The following ATG9B variants were observed in gnomAD, a reference collection of about 807,000 sequenced individuals.
ATG9B encodes the protein autophagy related 9B.
ATG9B carries 92 observed loss-of-function variants against 92.9 expected under a neutral mutation model. That is an observed-to-expected ratio of 0.99 (90% CI 0.84 to 1.18). ATG9B has a LOEUF of 1.18. ATG9B is among the 50% of genes most tolerant of loss of function. The pLI, the probability that ATG9B is intolerant of heterozygous loss-of-function variation, is 0.00. For missense variants in ATG9B, 1,344 were observed against 1,235.0 expected, an observed-to-expected ratio of 1.09 and a Z score of -1.32; for synonymous variants, 599 against 551.4, an observed-to-expected ratio of 1.09 and a Z score of -1.21.
In ATG9B at chr7:151,021,259, G is replaced by A. The variant is rs760200978; in HGVS notation, c.892C>T (p.Arg298Cys). 30 of 1,613,380 alleles carry A rather than the reference G, an allele frequency of 1.9e-5. No individual in the cohort carries two copies. Among genetic ancestry groups the A allele is most frequent in the South Asian group, 4.4e-5 (4 of 91,080 alleles). The part of the protein sequence containing the change: ...AAGFWLVQLL[R>C]SVCNLFSYWD... ...TAGCTGAAGAGGTTGCAGACTGAGCGAAGCAGTTGGACCAGCCAGAAGCCG... is the reference window on the plus strand; with the variant it reads ...TAGCTGAAGAGGTTGCAGACTGAGCAAAGCAGTTGGACCAGCCAGAAGCCG... The change falls in exon 5 of 14, where the codon CGC (arginine) becomes TGC (cysteine). Residue 298 changes from arginine to cysteine, a missense_variant. Arg to Cys is a radical substitution (Grantham distance 180). Coordinates refer to ENST00000639579, the MANE Select transcript of ATG9B (RefSeq NM_001317056.2).
At chr7:151,021,593 C>T (rs532418859) in intron 4 of ATG9B, among the ~76,000 whole-genome samples, 1 of 151,848 alleles carries the variant, frequency 6.6e-6, no homozygotes, top group Admixed American at 6.5e-5. Flanking sequence ...CCAGAGGCTA[C>T]AAGACACGTG....
In ATG9B at chr7:151,023,135, T is replaced by C. The variant is rs953629446; in HGVS notation, c.731A>G (p.Asn244Ser). The C allele has an allele frequency of 9.3e-6, 15 of 1,614,060 alleles. No individual in the cohort carries two copies. Among genetic ancestry groups the C allele is most frequent in the East Asian group, 8.9e-5 (4 of 44,888 alleles). Residue 244 changes from asparagine to serine, a missense_variant, in exon 4 of 14, where the codon AAC becomes AGC. Asn to Ser is a conservative substitution (Grantham distance 46). Coordinates refer to ENST00000639579, the MANE Select transcript of ATG9B (RefSeq NM_001317056.2). ...RCVDYNVLFA[N>S]QPSNHTRPGP... is the part of the protein sequence containing the mutation. Reference sequence around the variant, plus strand: ...AGGTCTGGTATGGTTACTTGGTTGGTTGGCAAAGAGAACATTGTAATCCAC... The same window carrying C: ...AGGTCTGGTATGGTTACTTGGTTGGCTGGCAAAGAGAACATTGTAATCCAC...
In ATG9B at chr7:151,018,565, G is replaced by GC; in HGVS notation, c.1718+54dup. ...AAGGATTCGGGGGGAACCTCACATG[G>GC]CCCCAGATCAGAGAAACCAACACAC... On this transcript the variant is annotated intron_variant, in intron 6 of 13. Coordinates refer to ENST00000639579, the MANE Select transcript of ATG9B (RefSeq NM_001317056.2). This position sits in a 1 kb window ranked among gnomAD's most constrained non-coding sequence, Gnocchi z 4.7. 1 of 1,556,714 alleles carries GC rather than the reference G, an allele frequency of 6.4e-7. No individual in the cohort carries two copies. The highest frequency in any genetic ancestry group is 8.6e-7 in the Non-Finnish European group (1 of 1,156,406).
Position 151,019,380 on chromosome 7 carries a change from A to G in ATG9B, c.964-6T>C. ...GGAACCGAGCTCAGCTCCTCCTGAA[A>G]GGGGCACTGATGAGAGCCAGCGACC... On this transcript the variant is annotated splice_polypyrimidine_tract_variant and splice_region_variant and intron_variant, in intron 5 of 13. Transcript: ENST00000639579. 6.6e-7 allele frequency: 1 copy of G among 1,511,972 alleles called. No homozygotes were observed. Among genetic ancestry groups the G allele is most frequent in the Non-Finnish European group, 8.8e-7 (1 of 1,137,506 alleles). 93.7% of individuals were successfully genotyped at this position (1,511,972 alleles called of 1,614,324 possible).
In ATG9B at chr7:151,023,150, T is replaced by C. The variant is rs372928665; in HGVS notation, c.716A>G (p.Asn239Ser). 4.2e-5 allele frequency: 67 copies of C among 1,613,992 alleles called. No individual in the cohort carries two copies. The highest frequency in any genetic ancestry group is 7.7e-5 in the South Asian group (7 of 91,072). ...TTFLLRCVDY[N>S]VLFANQPSNH... ...ACTTGGTTGGTTGGCAAAGAGAACA[T>C]TGTAATCCACGCATCGAAGGAGGAA... Residue 239 changes from asparagine (N) to serine (S), a missense_variant, in exon 4 of 14, where the codon AAT becomes AGT. Transcript: ENST00000639579.
chr7:151,018,977 A>C lies in ATG9B; in HGVS notation c.1361T>G (p.Leu454Arg). Residue 454 changes from leucine to arginine, a missense_variant, in exon 6 of 14, where the codon CTG becomes CGG. Physicochemically the swap from Leu to Arg is moderately radical, Grantham distance 102. Transcript: ENST00000639579. The surrounding 1 kb of genome is among the most constrained non-coding windows in gnomAD (Gnocchi z 4.7). Reference sequence around the variant, plus strand: ...GAAGACGTGCAGAACCTGCCAGGCCAGCACCAGCGGGCTCAGCGCCAGGTT... The same window carrying C: ...GAAGACGTGCAGAACCTGCCAGGCCCGCACCAGCGGGCTCAGCGCCAGGTT... ...ALNLALSPLV[L>R]AWQVLHVFYS... The C allele has an allele frequency of 2.5e-6, 4 of 1,579,854 alleles. No homozygotes were observed. The highest frequency in any genetic ancestry group is 3.4e-6 in the Non-Finnish European group (4 of 1,167,566).
At chr7:151,017,824 G>A (rs754303564) in intron 8 of ATG9B, 47 bp downstream of exon 8, 2 of 1,514,112 alleles carry the variant, frequency 1.3e-6, no homozygotes, top group South Asian at 1.3e-5. Flanking sequence ...AGAGGCAAGC[G>A]AACTCCCACC....
Position 151,024,403 on chromosome 7 carries a change from C to G in ATG9B, c.21G>C (p.Trp7Cys), listed in dbSNP as rs200255599. Reference sequence around the variant, plus strand: ...GCCCCAGCCGCCTTCTTCTCCCCCCCCAGCCCATTCGGCTCACCATCAGGC... The same window carrying G: ...GCCCCAGCCGCCTTCTTCTCCCCCCGCAGCCCATTCGGCTCACCATCAGGC... MVSRMGWGGRRRRLGRW... is the reference protein window; with the variant it reads MVSRMGCGGRRRRLGRW... The change falls in exon 1 of 14, where the codon TGG becomes TGC. Residue 7 changes from tryptophan to cysteine, a missense_variant. Transcript: ENST00000639579. 4.5e-4 allele frequency: 625 copies of G among 1,375,700 alleles called. 4 individuals carry two copies. In the South Asian group the frequency reaches 5.7e-3, roughly 12 times the overall value. 85.2% of individuals were successfully genotyped at this position (1,375,700 alleles called of 1,614,324 possible).
At chr7:151,015,824 TCCAAA>T in intron 13 of ATG9B, 53 bp downstream of exon 13, 1 of 1,506,832 alleles carries the variant, frequency 6.6e-7, no homozygotes, top group African/African-American at 1.4e-5. Context: ...CAAGTCGGAC[TCCAAA>T]CCAACTACCT....
chr7:151,013,785 T>G, downstream of ATG9B: 1 of 1,611,528 alleles, frequency 6.2e-7, no homozygotes, highest in Non-Finnish European at 8.5e-7. Flanking sequence ...GTGCTGTGCC[T>G]CGAGCGGGGC....
In ATG9B at chr7:151,017,103, G is replaced by A. The variant is rs199763238; in HGVS notation, c.2222C>T (p.Ala741Val). 568 of 1,611,872 alleles carry A rather than the reference G, an allele frequency of 3.5e-4. No homozygotes were observed. The highest frequency in any genetic ancestry group is 4.4e-4 in the Non-Finnish European group (515 of 1,179,486). The change falls in exon 9 of 14, where the codon GCC becomes GTC. Residue 741 changes from alanine to valine, a missense_variant. Transcript: ENST00000639579. Reference protein sequence around the residue: ...LWGRVQQDAAAWGATSARGPS... With the variant: ...LWGRVQQDAAVWGATSARGPS... ...GCCGCGAGCCGAGGTGGCACCCCAG[G>A]CAGCTGCATCTTGTTGTACTCGGCC...
downstream of ATG9B, chr7:151,013,657 A>G: frequency 7.4e-7 from 1 of 1,358,942 alleles, no homozygotes; most frequent in Non-Finnish European, 9.9e-7. Flanking sequence ...AGGGCCAGCC[A>G]GCAGCCCCGG....
chr7:151,018,666 C>A lies in ATG9B; in HGVS notation c.1672G>T (p.Val558Leu), dbSNP rs1476941756. 6.2e-7 allele frequency: 1 copy of A among 1,607,102 alleles called. No homozygotes were observed. The highest frequency in any genetic ancestry group is 2.3e-5 in the East Asian group (1 of 44,444). Residue 558 changes from valine (V) to leucine (L), a missense_variant, in exon 6 of 14, where the codon GTG (valine) becomes TTG (leucine). Physicochemically the swap from Val to Leu is conservative, Grantham distance 32. Transcript: ENST00000639579. This position sits in a 1 kb window ranked among gnomAD's most constrained non-coding sequence, Gnocchi z 4.7. ...CCGAGCGCGGTCATGGCGGTGAGCA[C>A]GTGCTCCACGGCTAGCACGTCCTCG... ...YDEDVLAVEHVLTAMTALGVT... is the reference protein window; with the variant it reads ...YDEDVLAVEHLLTAMTALGVT...
intron 8 of ATG9B, among the ~76,000 whole-genome samples, chr7:151,017,608 G>A (rs540176803): frequency 1.3e-5 from 2 of 152,256 alleles, no homozygotes; most frequent in East Asian, 3.9e-4. Context: ...ATTTACTGAC[G>A]TTACTATGTG....
chr7:151,017,725 G>A (rs2373929), intron 8 of ATG9B, 146 bp downstream of exon 8: 414,749 of 995,538 alleles, frequency 0.42, 90,586 homozygotes, highest in Admixed American at 0.53. Context: ...TGACAGACGA[G>A]GGCACGAGAG....
At position 151,023,464 on chromosome 7, in the gene ATG9B, C is replaced by T; in HGVS notation, c.640G>A (p.Glu214Lys). The T allele has an allele frequency of 6.2e-7, 1 of 1,613,064 alleles. No individual in the cohort carries two copies. Among genetic ancestry groups the T allele is most frequent in the South Asian group, 1.1e-5 (1 of 90,904 alleles). Reference sequence around the variant, plus strand: ...TCTCACCCCAGCTGGAAGACATCCTCCAGCAAGATGCAGGCAAAGCCATTC... The same window carrying T: ...TCTCACCCCAGCTGGAAGACATCCTTCAGCAAGATGCAGGCAAAGCCATTC... Reference protein sequence around the residue: ...QRNGFACILLEDVFQLGQFIF... With the variant: ...QRNGFACILLKDVFQLGQFIF... The change falls in exon 3 of 14, where the codon GAG becomes AAG. Residue 214 changes from glutamate (E) to lysine (K), a missense_variant. Coordinates refer to ENST00000639579, the MANE Select transcript of ATG9B (RefSeq NM_001317056.2).
Position 151,019,091 on chromosome 7 carries a change from C to T in ATG9B, c.1247G>A (p.Trp416Ter). Residue 416 changes from tryptophan (W) to a stop codon, truncating the protein, a stop_gained, in exon 6 of 14, where the codon TGG (tryptophan) becomes TAG (stop). Transcript: ENST00000639579. LOFTEE classifies it high-confidence loss of function. The stretch of plus-strand genomic sequence containing the variant: ...GCGCTTGTAGGCGTGCGGCAGCTCC[C>T]AGCCCCCGCGGAAGAGCGAGAAGGG... Reference protein sequence around the residue: ...RGPFSLFRGGWELPHAYKRSD... With the variant: ...RGPFSLFRGG 6.5e-7 allele frequency: 1 copy of T among 1,535,890 alleles called. No homozygotes were observed. The highest frequency in any genetic ancestry group is 8.7e-7 in the Non-Finnish European group (1 of 1,146,476).
At position 151,015,684 on chromosome 7, in the gene ATG9B, A is replaced by T. The variant is rs1795448503; in HGVS notation, c.*44T>A. 1.6e-6 allele frequency: 1 copy of T among 627,800 alleles called. No individual in the cohort carries two copies. Among genetic ancestry groups the T allele is most frequent in the African/African-American group, 1.9e-5 (1 of 52,996 alleles). 38.9% of individuals were successfully genotyped at this position (627,800 alleles called of 1,614,324 possible). A position where few individuals can be genotyped will look rare whatever the true frequency, so the allele number is the denominator to read the frequency against. On this transcript the variant is annotated 3_prime_UTR_variant, in exon 14 of 14. Transcript: ENST00000639579. The stretch of plus-strand genomic sequence containing the variant: ...CTTGTGTTTTTCTACTCCACCCTCC[A>T]ATCTCCTGTGGCTGCCGAAGCCAGG...
At chr7:151,013,685 AC>A, downstream of ATG9B, 2 of 702,370 alleles carry the variant, frequency 2.8e-6, no homozygotes. Flanking sequence ...CCCCGCGCCC[AC>A]CCCCACCAGG....
Sources: allele counts gnomAD v4.1 joint callset (sites outside exome capture counted in the v4.1 genomes callset), GRCh38; gene constraint gnomAD v4.1.1; non-coding constraint Gnocchi (gnomAD v3.1); transcripts MANE v1.5; gene names NCBI Gene and HGNC (gene_info 2026-07-23, HGNC 2026-07-21).